Variants in ARNT2 observed in about 807,000 individuals in gnomAD.
ARNT2 encodes the protein aryl hydrocarbon receptor nuclear translocator 2.
ARNT2 carries 36 observed loss-of-function variants against 91.7 expected under a neutral mutation model. The ratio of observed to expected loss-of-function variants is 0.39; its 90% CI spans 0.30 to 0.52. The LOEUF (loss-of-function observed/expected upper bound fraction) is 0.52, where lower values mean the gene tolerates loss of function less well. ARNT2 is among the 20% of genes least tolerant of loss of function. The probability of loss-of-function intolerance (pLI) is 0.72; values close to 1 mark genes in which losing one functional copy is unlikely to be tolerated. For missense variants in ARNT2, 775 were observed against 939.3 expected (o/e 0.83, Z 2.29); for synonymous variants, 365 against 347.1 (o/e 1.05, Z -0.57).
chr15:80,453,750 G>A (rs932413599), intron 2 of ARNT2, among the ~76,000 whole-genome samples: 1 of 152,148 alleles, frequency 6.6e-6, no homozygotes, highest in African/African-American at 2.4e-5. Flanking sequence ...TTTTCCATCT[G>A]AGAATGTGGG....
chr15:80,454,250 G>A (rs1388534980), intron 2 of ARNT2, among the ~76,000 whole-genome samples: 1 of 152,086 alleles, frequency 6.6e-6, no homozygotes, highest in African/African-American at 2.4e-5. Flanking sequence ...GGTGGTGAGG[G>A]GTGGGGGGCT....
intron 1 of ARNT2, among the ~76,000 whole-genome samples, chr15:80,442,274 T>A (rs1896204421): frequency 6.6e-6 from 1 of 152,196 alleles, no homozygotes; most frequent in African/African-American, 2.4e-5. Flanking sequence ...CCCAGAGCAT[T>A]TTTTGCAGTC....
rs568307746 is a variant in ARNT2, at chr15:80,563,024, C to T, written c.1165-64C>T. On this transcript the variant is annotated intron_variant, in intron 11 of 18. Transcript: ENST00000303329. ...GCCGCAACCCCACTGCCTGCAGCTT[C>T]TCCCTCCTCCCGTTTGGCACCATCC... is the stretch of plus-strand genomic sequence containing the variant. 1.9e-6 allele frequency: 3 copies of T among 1,587,778 alleles called. No individual in the cohort carries two copies. The African/African-American group carries it at 4.0e-5, about 21-fold the overall frequency.
At chr15:80,521,338 T>A (rs1897542509) in intron 8 of ARNT2, among the ~76,000 whole-genome samples, 1 of 151,918 alleles carries the variant, frequency 6.6e-6, no homozygotes, top group South Asian at 2.1e-4. Flanking sequence ...GCATAAAAAA[T>A]TAAAAATCAG....
In ARNT2 at chr15:80,476,024, C is replaced by T. The variant is rs540988444; in HGVS notation, c.622+801C>T. 2.0e-5 allele frequency among the ~76,000 whole-genome samples: 3 copies of T among 152,296 alleles called. No homozygotes were observed. In the East Asian group the frequency reaches 5.8e-4, roughly 29 times the overall value. On this transcript the variant is annotated intron_variant, in intron 5 of 18. Coordinates refer to ENST00000303329, the MANE Select transcript of ARNT2 (RefSeq NM_014862.4). ...AGAAGAACAACACTCAATAATTTGT[C>T]AGATAAAAGCAAAAATAAAAACCTA...
At chr15:80,457,484 A>G (rs927453206) in intron 2 of ARNT2, among the ~76,000 whole-genome samples, 2 of 152,218 alleles carry the variant, frequency 1.3e-5, no homozygotes, top group Non-Finnish European at 2.9e-5. Flanking sequence ...AAATCCCGTG[A>G]GCCTTTTTAG....
At chr15:80,535,951 C>T (rs543793395) in intron 8 of ARNT2, among the ~76,000 whole-genome samples, 4 of 152,272 alleles carry the variant, frequency 2.6e-5, no homozygotes, top group African/African-American at 9.6e-5. Context: ...TAAGGATTTG[C>T]TGTCCTACCT....
At chr15:80,583,793 T>C (rs964185220) in intron 17 of ARNT2, among the ~76,000 whole-genome samples, 67 of 152,322 alleles carry the variant, frequency 4.4e-4, no homozygotes, top group African/African-American at 1.5e-3. Context: ...TGAGACTGTG[T>C]TCCCATCCAC....
intron 8 of ARNT2, among the ~76,000 whole-genome samples, chr15:80,533,212 G>T (rs750573010): frequency 3.3e-4 from 51 of 152,338 alleles, no homozygotes; most frequent in Non-Finnish European, 6.0e-4. Flanking sequence ...CTCAGGTCCT[G>T]AGTGGAAGGA....
rs1222148804 is a variant in ARNT2 at position 80,597,086 on chromosome 15, G to T, written c.*3388G>T. On this transcript the variant is annotated 3_prime_UTR_variant, in exon 19 of 19. Coordinates refer to ENST00000303329, the MANE Select transcript of ARNT2 (RefSeq NM_014862.4). ...CTGGTTGTTAAGGAACTTACACTGG[G>T]GAGCTTTACTCTTCCGTGTCAACAA... The T allele has an allele frequency of 5.9e-6, 3 of 511,338 alleles. No individual in the cohort carries two copies. The highest frequency in any genetic ancestry group is 3.9e-5 in the Admixed American group (2 of 51,060). 31.7% of individuals were successfully genotyped at this position (511,338 alleles called of 1,614,324 possible). A position where few individuals can be genotyped will look rare whatever the true frequency, so the allele number is the denominator to read the frequency against.
intron 1 of ARNT2, among the ~76,000 whole-genome samples, chr15:80,439,320 G>A (rs1006065593): frequency 6.6e-6 from 1 of 152,128 alleles, no homozygotes; most frequent in African/African-American, 2.4e-5. Flanking sequence ...GTATCGTAAG[G>A]CCATTGATCA....
chr15:80,576,813 T>G, intron 14 of ARNT2, 53 bp from the exon 15 acceptor site: 1 of 1,578,868 alleles, frequency 6.3e-7, no homozygotes, highest in Non-Finnish European at 8.7e-7. Flanking sequence ...GCCTCCTCTG[T>G]GGTCTGCAGA....
intron 3 of ARNT2, among the ~76,000 whole-genome samples, chr15:80,461,027 T>C (rs868069081): frequency 4.6e-5 from 7 of 152,058 alleles, no homozygotes; most frequent in African/African-American, 1.7e-4. Flanking sequence ...TCCATTGTCT[T>C]GATTAGGTAG....
At chr15:80,434,721 G>A (rs1896061521) in intron 1 of ARNT2, among the ~76,000 whole-genome samples, 1 of 152,122 alleles carries the variant, frequency 6.6e-6, no homozygotes, top group South Asian at 2.1e-4. Context: ...GGGAGAGGGA[G>A]TGGGGAGCAG....
At chr15:80,497,026 G>A (rs895937500) in intron 5 of ARNT2, among the ~76,000 whole-genome samples, 14 of 152,176 alleles carry the variant, frequency 9.2e-5, no homozygotes, top group Admixed American at 7.8e-4. Flanking sequence ...CTTTCACAAC[G>A]TTTGTAATCC....
At position 80,545,374 on chromosome 15, in the gene ARNT2, G is replaced by T. The variant is rs190218060; in HGVS notation, c.878-5825G>T. Among the ~76,000 whole-genome samples the T allele has an allele frequency of 3.2e-4, 48 of 152,342 alleles. 1 individual carries two copies. Among genetic ancestry groups the T allele is most frequent in the African/African-American group, 1.1e-3 (44 of 41,574 alleles). On this transcript the variant is annotated intron_variant, in intron 8 of 18. Coordinates refer to ENST00000303329, the MANE Select transcript of ARNT2 (RefSeq NM_014862.4). ...TTAAAGGCACATGTGTGCTGTTCATGTGAGTCCTGACTGGTATTTGGTGTT... is the reference window on the plus strand; with the variant it reads ...TTAAAGGCACATGTGTGCTGTTCATTTGAGTCCTGACTGGTATTTGGTGTT...
chr15:80,479,807 G>A (rs1016495726), intron 5 of ARNT2, among the ~76,000 whole-genome samples: 3 of 152,160 alleles, frequency 2.0e-5, no homozygotes, highest in African/African-American at 7.2e-5. Flanking sequence ...TACCTGCCCT[G>A]CTGTTGGCTG....
At chr15:80,470,709 T>C (rs1896720976) in intron 4 of ARNT2, among the ~76,000 whole-genome samples, 3 of 152,218 alleles carry the variant, frequency 2.0e-5, no homozygotes, top group African/African-American at 4.8e-5. Flanking sequence ...AGGAAGAAGT[T>C]AGTAAAAACG....
chr15:80,555,961 TCTCACTCA>T (rs751325229), intron 11 of ARNT2: 20 of 149,874 alleles, frequency 1.3e-4, no homozygotes, highest in African/African-American at 4.9e-4. Flanking sequence ...TGAGACTCTG[TCTCACTCA>T]CTCACTCACT....
Sources: gnomAD v4.1 joint callset for allele counts (sites outside exome capture counted in the v4.1 genomes callset) on GRCh38, gnomAD v4.1.1 for gene constraint, MANE v1.5 for transcripts, NCBI Gene and HGNC (gene_info 2026-07-23, HGNC 2026-07-21) for gene names.